ATP1A1: variants seen among roughly 807,000 people sequenced by gnomAD.
ATP1A1 encodes the protein ATPase Na+/K+ transporting subunit alpha 1, also known as sodium/potassium-transporting ATPase subunit alpha-1.
Under a neutral mutation model 114.8 loss-of-function variants are expected in ATP1A1, and 14 were observed. The ratio of observed to expected loss-of-function variants is 0.12; its 90% CI spans 0.08 to 0.19. The LOEUF is 0.19. ATP1A1 is among the 10% of genes least tolerant of loss of function. The pLI is 1.00. For missense variants in ATP1A1, 524 were observed against 1,290.7 expected (o/e 0.41, Z 9.10); for synonymous variants, 471 against 466.3 (o/e 1.01, Z -0.13).
chr1:116,373,546 G>T (rs924900062), intron 1 of ATP1A1, 23 bp downstream of exon 1: 24 of 1,446,606 alleles, frequency 1.7e-5, no homozygotes, highest in South Asian at 2.9e-5. Context: ...CGCGCCCGGG[G>T]AGGGGGCTCG....
intron 1 of ATP1A1, chr1:116,383,351 A>G: frequency 9.5e-7 from 1 of 1,057,482 alleles, no homozygotes; most frequent in Non-Finnish European, 1.2e-6. Context: ...TTATGTGAGC[A>G]CTAAAGATAT....
intron 1 of ATP1A1, among the ~76,000 whole-genome samples, chr1:116,376,152 GA>G (rs1651348741): frequency 6.6e-6 from 1 of 152,306 alleles, no homozygotes; most frequent in African/African-American, 2.4e-5. Context: ...AAAAGATGAG[GA>G]GGGGGGGTCT....
intron 3 of ATP1A1, chr1:116,386,107 C>T (rs1167530160): frequency 1.3e-5 from 1 of 77,230 alleles, no homozygotes; most frequent in African/African-American, 4.8e-5. Flanking sequence ...GCCTGGACAA[C>T]AAGAGTGAAA....
Position 116,397,964 on chromosome 1 carries a change from T to C in ATP1A1, c.2050T>C (p.Tyr684His). ...CGAGCAGCTGGATGACATTTTGAAG[T>C]ACCACACTGAGATAGTGTTTGCCAG... ...TSEQLDDILK[Y>H]HTEIVFARTS... Residue 684 changes from tyrosine (Y) to histidine (H), a missense_variant, in exon 15 of 23, where the codon TAC becomes CAC. Tyr to His is a moderately conservative substitution (Grantham distance 83). Transcript: ENST00000295598. The surrounding 1 kb of genome is among the most constrained non-coding windows in gnomAD (Gnocchi z 4.2). 1 of 1,613,798 alleles carries C rather than the reference T, an allele frequency of 6.2e-7. No homozygotes were observed.
At chr1:116,396,180 G>C (rs936425196) in intron 13 of ATP1A1, among the ~76,000 whole-genome samples, 2 of 151,500 alleles carry the variant, frequency 1.3e-5, no homozygotes, top group Admixed American at 1.3e-4. Flanking sequence ...TTGAATTCTT[G>C]TCACATGTTG....
chr1:116,383,299 G>T, intron 1 of ATP1A1: 1 of 1,042,888 alleles, frequency 9.6e-7, no homozygotes, highest in Non-Finnish European at 1.2e-6. Flanking sequence ...AGGAGTCTTA[G>T]GCTGACTTTT....
Position 116,399,404 on chromosome 1 carries a change from C to T in ATP1A1, c.2449-16C>T, listed in dbSNP as rs1175666353. 34 of 1,613,250 alleles carry T rather than the reference C, an allele frequency of 2.1e-5. No homozygotes were observed. The highest frequency in any genetic ancestry group is 2.8e-5 in the Non-Finnish European group (33 of 1,179,624). On this transcript the variant is annotated splice_polypyrimidine_tract_variant and intron_variant, in intron 17 of 22. Transcript: ENST00000295598. The surrounding 1 kb of genome is among the most constrained non-coding windows in gnomAD (Gnocchi z 5.0). ...TATTTTTAGTAACTAAATTCCTTCT[C>T]CCCACCCCTTCCCAGGTTCCTGCCA...
At chr1:116,400,078 G>A (rs1653312687) in intron 18 of ATP1A1, among the ~76,000 whole-genome samples, 1 of 152,234 alleles carries the variant, frequency 6.6e-6, no homozygotes, top group Admixed American at 6.5e-5. Context: ...TGGGCAATCA[G>A]CATGCCATTT....
rs1353688240 is a variant in ATP1A1 at position 116,396,797 on chromosome 1, T to C, written c.1973+63T>C. Reference sequence around the variant, plus strand: ...AAGCAAATAGTGATGGTTTAAAATCTTCAGCGTGGTTCTATAATGGTTTGC... The same window carrying C: ...AAGCAAATAGTGATGGTTTAAAATCCTCAGCGTGGTTCTATAATGGTTTGC... On this transcript the variant is annotated intron_variant, in intron 14 of 22. Transcript: ENST00000295598. 6 of 1,484,056 alleles carry C rather than the reference T, an allele frequency of 4.0e-6. No individual in the cohort carries two copies. The African/African-American group carries it at 8.5e-5, about 21-fold the overall frequency. 91.9% of individuals were successfully genotyped at this position (1,484,056 alleles called of 1,614,324 possible). A position where few individuals can be genotyped will look rare whatever the true frequency, so the allele number is the denominator to read the frequency against.
chr1:116,401,819 C>A lies in ATP1A1; in HGVS notation c.2951+164C>A, dbSNP rs1653503116. 4 of 661,960 alleles carry A rather than the reference C, an allele frequency of 6.0e-6. No individual in the cohort carries two copies. Among genetic ancestry groups the A allele is most frequent in the Non-Finnish European group, 1.0e-5 (4 of 383,980 alleles). The allele number at this position is 661,960 out of a possible 1,614,324, so 41.0% of individuals were successfully genotyped here. A position where few individuals can be genotyped will look rare whatever the true frequency, so the allele number is the denominator to read the frequency against. On this transcript the variant is annotated intron_variant, in intron 21 of 22. Transcript: ENST00000295598. The surrounding 1 kb of genome is among the most constrained non-coding windows in gnomAD (Gnocchi z 4.7). Reference sequence around the variant, plus strand: ...AAGCTTGACATGTCAGTAAATCAGACTAACAAATCCTGAGGCTTCCATGAT... The same window carrying A: ...AAGCTTGACATGTCAGTAAATCAGAATAACAAATCCTGAGGCTTCCATGAT...
intron 1 of ATP1A1, chr1:116,374,286 G>C: frequency 6.4e-7 from 1 of 1,551,658 alleles, no homozygotes; most frequent in Non-Finnish European, 8.7e-7. Context: ...GTAAACACAG[G>C]ATGCACCGAT....
chr1:116,387,225 G>A lies in ATP1A1; in HGVS notation c.184-63G>A, dbSNP rs1652160568. 3 of 1,571,682 alleles carry A rather than the reference G, an allele frequency of 1.9e-6. No individual in the cohort carries two copies. In the Admixed American group the frequency reaches 5.1e-5, roughly 27 times the overall value. On this transcript the variant is annotated intron_variant, in intron 3 of 22. Transcript: ENST00000295598. The surrounding 1 kb of genome is among the most constrained non-coding windows in gnomAD (Gnocchi z 6.7). ...CTTATTGCAACCGTCCAGCTACCAGGTAGGTATATTGCCTTGTAAGTGCTG... is the reference window on the plus strand; with the variant it reads ...CTTATTGCAACCGTCCAGCTACCAGATAGGTATATTGCCTTGTAAGTGCTG...
Position 116,404,704 on chromosome 1 carries a change from C to T in ATP1A1, c.*260C>T. The T allele has an allele frequency of 1.6e-6, 2 of 1,274,758 alleles. No individual in the cohort carries two copies. The highest frequency in any genetic ancestry group is 2.0e-6 in the Non-Finnish European group (2 of 1,014,958). 79.0% of individuals were successfully genotyped at this position (1,274,758 alleles called of 1,614,324 possible). A position where few individuals can be genotyped will look rare whatever the true frequency, so the allele number is the denominator to read the frequency against. On this transcript the variant is annotated 3_prime_UTR_variant, in exon 23 of 23. Transcript: ENST00000295598. The surrounding 1 kb of genome is among the most constrained non-coding windows in gnomAD (Gnocchi z 4.8). ...CCTTTTTGTTTTTGTAAAAAAGGAA[C>T]ACCCGGAAAGACTGAAAGAATACAT...
At chr1:116,374,017 C>G (rs933060940) in intron 1 of ATP1A1, 1 of 1,282,892 alleles carries the variant, frequency 7.8e-7, no homozygotes, top group African/African-American at 3.6e-5. Context: ...GGCGCTCCGC[C>G]GGGGCCTCCT....
In ATP1A1 at chr1:116,373,497, C is replaced by A. The variant is rs850601; in HGVS notation, c.-15C>A. On this transcript the variant is annotated 5_prime_UTR_variant, in exon 1 of 23. The change creates a new upstream start codon in the 5' untranslated region. Coordinates refer to ENST00000295598, the MANE Select transcript of ATP1A1 (RefSeq NM_000701.8). ...CAGCGACAGGACCCGGCGCCGGGCA[C>A]TGAGCACCGCCACCATGGGGAAGGG... The A allele has an allele frequency of 1.3e-6, 2 of 1,509,782 alleles. No individual in the cohort carries two copies. The highest frequency in any genetic ancestry group is 2.1e-5 in the Admixed American group (1 of 46,540). 93.5% of individuals were successfully genotyped at this position (1,509,782 alleles called of 1,614,324 possible).
intron 9 of ATP1A1, among the ~76,000 whole-genome samples, 164 bp downstream of exon 9, chr1:116,390,575 A>G (rs1279905854): frequency 3.1e-5 from 4 of 127,704 alleles, no homozygotes; most frequent in Non-Finnish European, 6.4e-5. Flanking sequence ...AGTCAAGGGT[A>G]TGGGATATTG....
Position 116,404,504 on chromosome 1 carries a change from C to T in ATP1A1, c.*60C>T. ...CACACTCTGCATCCGACACCCACCC[C>T]CTCTTTGTGTACTTCAGTCTTGGAG... On this transcript the variant is annotated 3_prime_UTR_variant, in exon 23 of 23. Coordinates refer to ENST00000295598, the MANE Select transcript of ATP1A1 (RefSeq NM_000701.8). The surrounding 1 kb of genome is among the most constrained non-coding windows in gnomAD (Gnocchi z 4.8). 1.3e-6 allele frequency: 2 copies of T among 1,568,586 alleles called. No homozygotes were observed. The highest frequency in any genetic ancestry group is 1.7e-6 in the Non-Finnish European group (2 of 1,163,274).
rs1170860686 is a variant in ATP1A1 at position 116,393,335 on chromosome 1, T to C, written c.1468-196T>C. Among the ~76,000 whole-genome samples the C allele has an allele frequency of 6.8e-6, 1 of 147,566 alleles. No homozygotes were observed. The highest frequency in any genetic ancestry group is 1.5e-5 in the Non-Finnish European group (1 of 68,028). On this transcript the variant is annotated intron_variant, in intron 11 of 22. Transcript: ENST00000295598. This position sits in a 1 kb window ranked among gnomAD's most constrained non-coding sequence, Gnocchi z 5.0. ...TGAACAAATGTCAGGAATTTATGAA[T>C]ATATCATAGTGCTCATTTTTTTTTT...
rs988015521 is a variant in ATP1A1, at chr1:116,397,268, G to C, written c.1973+534G>C. Among the ~76,000 whole-genome samples, 1 of 152,148 alleles carries C rather than the reference G, an allele frequency of 6.6e-6. No homozygotes were observed. The highest frequency in any genetic ancestry group is 1.5e-5 in the Non-Finnish European group (1 of 68,016). ...TTAGGGCCCTTTCACCCTATGTTACGGTTAGAGGAGGGTTTGGTCTTGTAT... is the reference window on the plus strand; with the variant it reads ...TTAGGGCCCTTTCACCCTATGTTACCGTTAGAGGAGGGTTTGGTCTTGTAT... On this transcript the variant is annotated intron_variant, in intron 14 of 22. Transcript: ENST00000295598. The surrounding 1 kb of genome is among the most constrained non-coding windows in gnomAD (Gnocchi z 4.2).
Sources: allele counts gnomAD v4.1 joint callset (sites outside exome capture counted in the v4.1 genomes callset), GRCh38; gene constraint gnomAD v4.1.1; non-coding constraint Gnocchi (gnomAD v3.1); transcripts MANE v1.5; gene names NCBI Gene and HGNC (gene_info 2026-07-23, HGNC 2026-07-21).